The following PIGZ variants were observed in gnomAD, a reference collection of about 807,000 sequenced individuals.
The protein encoded by PIGZ is phosphatidylinositol glycan anchor biosynthesis class Z (Gwada blood group).
In PIGZ, 16 loss-of-function variants were observed where a neutral mutation model predicts 16.4. The ratio of observed to expected loss-of-function variants is 0.97; its 90% CI spans 0.66 to 1.48. The LOEUF (loss-of-function observed/expected upper bound fraction) is 1.48. Ranked by LOEUF, PIGZ falls within the 40% of genes most tolerant of loss-of-function variation. The pLI is 0.00. For missense variants in PIGZ, 770 were observed against 739.2 expected (o/e 1.04, Z -0.48); for synonymous variants, 409 against 338.4 (o/e 1.21, Z -2.29).
intron 1 of PIGZ, 109 bp downstream of exon 1, chr3:196,968,578 G>A (rs978068503): frequency 3.9e-5 from 6 of 152,318 alleles, no homozygotes; most frequent in African/African-American, 1.2e-4. Context: ...CTAGAGGCTG[G>A]GCCTGCTGGT....
chr3:196,959,625 T>A (rs1199257687), intron 1 of PIGZ, among the ~76,000 whole-genome samples: 3 of 152,212 alleles, frequency 2.0e-5, no homozygotes, highest in East Asian at 1.9e-4. Flanking sequence ...CTTCTACTAC[T>A]ACCTTTCTCT....
In PIGZ at chr3:196,948,471, C is replaced by G. The variant is rs762397892; in HGVS notation, c.426G>C (p.Gly142=). 19 of 1,613,754 alleles carry G rather than the reference C, an allele frequency of 1.2e-5. No homozygotes were observed. Among genetic ancestry groups the G allele is most frequent in the Non-Finnish European group, 1.6e-5 (19 of 1,179,926 alleles). ...TCGGCGGGGCCAGGTGGTACACGGC[C>G]CCGTCCAGAGCAAAGGAAAGGGCAG... The part of the protein sequence containing the change: ...LLTALSFALD[G]AVYHLAPPMG... The change falls in exon 3 of 3, where the codon GGG becomes GGC. Residue 142 remains glycine (G), a synonymous_variant. Coordinates refer to ENST00000412723, the MANE Select transcript of PIGZ (RefSeq NM_025163.4).
At chr3:196,967,551 A>G (rs528175584) in intron 1 of PIGZ, among the ~76,000 whole-genome samples, 1 of 152,174 alleles carries the variant, frequency 6.6e-6, no homozygotes, top group Non-Finnish European at 1.5e-5. Context: ...CCTCAGGACT[A>G]AGATCTTGTT....
chr3:196,947,274 T>C lies in PIGZ; in HGVS notation c.1623A>G (p.Glu541=). The C allele has an allele frequency of 1.2e-6, 2 of 1,614,020 alleles. No homozygotes were observed. The highest frequency in any genetic ancestry group is 1.7e-6 in the Non-Finnish European group (2 of 1,179,978). The change falls in exon 3 of 3, where the codon GAA becomes GAG. Residue 541 remains glutamate (E), a synonymous_variant. Transcript: ENST00000412723. ...VEKCSFPFKN[E]TLLFPHLTLE... ...GGGTCAGATGGGGAAATAAAAGTGT[T>C]TCATTCTTGAAGGGGAAGCTGCACT...
chr3:196,961,095 T>C (rs772838776), intron 1 of PIGZ, among the ~76,000 whole-genome samples: 2 of 152,224 alleles, frequency 1.3e-5, no homozygotes, highest in Non-Finnish European at 2.9e-5. Flanking sequence ...GTTTCTGAAG[T>C]AGTATTCCAT....
rs775284528 is a variant in PIGZ, at chr3:196,947,791, T to C, written c.1106A>G (p.Tyr369Cys). ...ARSLLSSPRS[Y>C]LLLLYFMPLA... ...AGGCATGAAGTAGAGGAGAAGGAGA[T>C]AGGACCTGGGGCTGGACAGCAGGCT... Residue 369 changes from tyrosine (Y) to cysteine (C), a missense_variant, in exon 3 of 3, where the codon TAT becomes TGT. Tyr to Cys is a radical substitution (Grantham distance 194, BLOSUM62 -2). Transcript: ENST00000412723. The C allele has an allele frequency of 2.5e-6, 4 of 1,607,290 alleles. No individual in the cohort carries two copies. The highest frequency in any genetic ancestry group is 3.4e-6 in the Non-Finnish European group (4 of 1,176,070).
At chr3:196,958,982 C>A (rs1360807395) in intron 1 of PIGZ, among the ~76,000 whole-genome samples, 1 of 152,214 alleles carries the variant, frequency 6.6e-6, no homozygotes, top group East Asian at 1.9e-4. Context: ...TATATCTCCA[C>A]AACTGCTGAA....
chr3:196,957,171 T>TTGTGTGTGTGTG lies in PIGZ; in HGVS notation c.1-5152_1-5141dup, dbSNP rs3042833. ...CTAATCAAATTTTTGGCTCCAGGTT[T>TTGTGTGTGTGTG]TGTGTGTGTGTGTGTGTGTGTGTGT... On this transcript the variant is annotated intron_variant, in intron 1 of 2. Coordinates refer to ENST00000412723, the MANE Select transcript of PIGZ (RefSeq NM_025163.4). Among the ~76,000 whole-genome samples, 3 of 146,610 alleles carry TTGTGTGTGTGTG rather than the reference T, an allele frequency of 2.0e-5. 1 individual carries two copies. Among genetic ancestry groups the TTGTGTGTGTGTG allele is most frequent in the South Asian group, 4.3e-4 (2 of 4,600 alleles).
intron 1 of PIGZ, among the ~76,000 whole-genome samples, chr3:196,956,366 C>T (rs1164438114): frequency 6.6e-5 from 10 of 152,090 alleles, no homozygotes; most frequent in Admixed American, 5.2e-4. Context: ...AGGCAAAAAG[C>T]GAATGAGAAG....
At chr3:196,967,915 C>T (rs1717996038) in intron 1 of PIGZ, among the ~76,000 whole-genome samples, 1 of 152,258 alleles carries the variant, frequency 6.6e-6, no homozygotes, top group Non-Finnish European at 1.5e-5. Context: ...CGCTCTGTAG[C>T]AGGAGATGGG....
At chr3:196,956,725 C>T (rs747806599) in intron 1 of PIGZ, among the ~76,000 whole-genome samples, 1 of 152,190 alleles carries the variant, frequency 6.6e-6, no homozygotes, top group Non-Finnish European at 1.5e-5. Flanking sequence ...ATCCTTTCAG[C>T]TGTATCTAGA....
At position 196,948,377 on chromosome 3, in the gene PIGZ, T is replaced by A; in HGVS notation, c.520A>T (p.Arg174Trp). ...GSYVTLVFYT[R>W]TFSNTIEGLL... The stretch of plus-strand genomic sequence containing the variant: ...CCCTCAATGGTGTTGGAGAAGGTCC[T>A]TGTGTAGAAGACCAGGGTGACGTAG... The change falls in exon 3 of 3, where the codon AGG (arginine) becomes TGG (tryptophan). Residue 174 changes from arginine (R) to tryptophan (W), a missense_variant. Coordinates refer to ENST00000412723, the MANE Select transcript of PIGZ (RefSeq NM_025163.4). 6.2e-7 allele frequency: 1 copy of A among 1,614,130 alleles called. No homozygotes were observed. Among genetic ancestry groups the A allele is most frequent in the East Asian group, 2.2e-5 (1 of 44,866 alleles).
At position 196,950,024 on chromosome 3, in the gene PIGZ, C is replaced by T. The variant is rs143402385; in HGVS notation, c.212-1339G>A. On this transcript the variant is annotated intron_variant, in intron 2 of 2. Coordinates refer to ENST00000412723, the MANE Select transcript of PIGZ (RefSeq NM_025163.4). The stretch of plus-strand genomic sequence containing the variant: ...TTTTTTAGACAGAGTCTCACTCTGT[C>T]ACGCATGCTAGAGTCCAGTGGCGCT... 3.6e-3 allele frequency among the ~76,000 whole-genome samples: 541 copies of T among 151,946 alleles called. 5 individuals carry two copies. The highest frequency in any genetic ancestry group is 0.013 in the African/African-American group (528 of 41,430).
chr3:196,966,838 C>A (rs915991139), intron 1 of PIGZ, among the ~76,000 whole-genome samples: 5 of 152,162 alleles, frequency 3.3e-5, no homozygotes, highest in African/African-American at 1.2e-4. Flanking sequence ...AGGGATCTGT[C>A]CGGGTGCGGG....
In PIGZ at chr3:196,947,669, C is replaced by T. The variant is rs1716963840; in HGVS notation, c.1228G>A (p.Val410Met). 1 of 1,611,706 alleles carries T rather than the reference C, an allele frequency of 6.2e-7. No individual in the cohort carries two copies. Among genetic ancestry groups the T allele is most frequent in the Non-Finnish European group, 8.5e-7 (1 of 1,178,580 alleles). ...VLLCSPQTQP[V>M]PWKGTVVLFN... Reference sequence around the variant, plus strand: ...AGGACCACAGTGCCCTTCCAAGGCACAGGCTGCGTCTGTGGACTACAAAGC... The same window carrying T: ...AGGACCACAGTGCCCTTCCAAGGCATAGGCTGCGTCTGTGGACTACAAAGC... The change falls in exon 3 of 3, where the codon GTG becomes ATG. Residue 410 changes from valine to methionine, a missense_variant. Val to Met is a conservative substitution (Grantham distance 21). Coordinates refer to ENST00000412723, the MANE Select transcript of PIGZ (RefSeq NM_025163.4).
intron 1 of PIGZ, among the ~76,000 whole-genome samples, chr3:196,968,205 C>G (rs1412691792): frequency 2.0e-5 from 3 of 152,200 alleles, no homozygotes; most frequent in Admixed American, 6.5e-5. Context: ...AGTGCAGCCC[C>G]CGAGGCCGGG....
chr3:196,951,791 C>T (rs1717292916), intron 2 of PIGZ, 30 bp downstream of exon 2: 1 of 1,610,688 alleles, frequency 6.2e-7, no homozygotes, highest in Admixed American at 1.7e-5. Context: ...TCTGCTGCAG[C>T]TTGTCTCAGC....
chr3:196,951,421 CCT>C, intron 2 of PIGZ: 2 of 270,100 alleles, frequency 7.4e-6, no homozygotes, highest in Middle Eastern at 1.3e-3. Flanking sequence ...TTCCCTTACC[CCT>C]CTCTTGAATC....
rs760854881 is a variant in PIGZ at position 196,947,172 on chromosome 3, C to T, written c.1725G>A (p.Leu575=). The T allele has an allele frequency of 2.1e-5, 32 of 1,552,236 alleles. No homozygotes were observed. Among genetic ancestry groups the T allele is most frequent in the Middle Eastern group, 1.7e-4 (1 of 5,732 alleles). Residue 575 remains leucine, a synonymous_variant, in exon 3 of 3, where the codon CTG becomes CTA. Coordinates refer to ENST00000412723, the MANE Select transcript of PIGZ (RefSeq NM_025163.4). ...TGTCATATTGTCAGGTTTCTTCCCCCAGCTCCACAATGTGAAGACTGAGGT... is the reference window on the plus strand; with the variant it reads ...TGTCATATTGTCAGGTTTCTTCCCCTAGCTCCACAATGTGAAGACTGAGGT... ...RDHLSLHIVE[L]GEET
Sources: gnomAD v4.1 joint callset for allele counts (sites outside exome capture counted in the v4.1 genomes callset) on GRCh38, gnomAD v4.1.1 for gene constraint, MANE v1.5 for transcripts, NCBI Gene and HGNC (gene_info 2026-07-23, HGNC 2026-07-21) for gene names.